Variants in PNOC observed in about 807,000 individuals in gnomAD.
The protein encoded by PNOC is prepronociceptin, also known as nociceptin.
A neutral mutation model predicts 15.6 loss-of-function variants in PNOC; 10 were observed. The observed-to-expected ratio is 0.64, with a 90% CI of 0.40 to 1.09. PNOC has a LOEUF of 1.09. Among genes scored for constraint, PNOC ranks in the 50% least tolerant of loss-of-function variants. PNOC has a pLI of 0.01. For synonymous variants in PNOC, 98 were observed against 88.5 expected (o/e 1.11, Z -0.60); for missense variants, 220 against 223.9 (o/e 0.98, Z 0.11).
intron 3 of PNOC, among the ~76,000 whole-genome samples, chr8:28,340,511 C>T (rs1801499027): frequency 6.6e-6 from 1 of 152,212 alleles, no homozygotes; most frequent in Non-Finnish European, 1.5e-5. Flanking sequence ...ACCATCAAGG[C>T]TATGTGCCTT....
Sources: allele counts gnomAD v4.1 joint callset (sites outside exome capture counted in the v4.1 genomes callset), GRCh38; gene constraint gnomAD v4.1.1; transcripts MANE v1.5; gene names NCBI Gene and HGNC (gene_info 2026-07-23, HGNC 2026-07-21).